ESR1: variants seen among roughly 807,000 people sequenced by gnomAD.
ESR1 encodes the protein estrogen receptor.
A neutral mutation model predicts 52.7 loss-of-function variants in ESR1; 12 were observed. The observed-to-expected ratio is 0.23, with a 90% CI of 0.15 to 0.37. The LOEUF is 0.37. Among genes scored for constraint, ESR1 ranks in the 10% least tolerant of loss-of-function variants. The pLI, the probability that ESR1 is intolerant of heterozygous loss-of-function variation, is 1.00. For missense variants in ESR1, 584 were observed against 779.7 expected (o/e 0.75, Z 2.99); for synonymous variants, 305 against 316.8 (o/e 0.96, Z 0.39).
In ESR1 at chr6:151,700,668, CTTTTTTTTTTTTT is replaced by C. The variant is rs34905961; in HGVS notation, c.-201-1197_-201-1185del. On this transcript the variant is annotated intron_variant, in intron 1 of 2. Coordinates refer to the ESR1 transcript ENST00000404742. ...CTCCCTAATACAATGTTAAACTTTC[CTTTTTTTTTTTTT>C]TTTTTTTTTGAGAAAAAAATTGTAA... Among the ~76,000 whole-genome samples the C allele has an allele frequency of 2.7e-4, 32 of 117,206 alleles. No homozygotes were observed. In the South Asian group the frequency reaches 7.6e-3, roughly 28 times the overall value. The allele number at this position is 117,206 out of a possible 152,430, so 76.9% of individuals were successfully genotyped here.
chr6:151,935,002 G>A (rs1210690632), intron 3 of ESR1, among the ~76,000 whole-genome samples: 1 of 152,222 alleles, frequency 6.6e-6, no homozygotes, highest in Non-Finnish European at 1.5e-5. Context: ...TTCTAAGGCA[G>A]TTATGCCATG....
chr6:151,679,419 G>T (rs948387628), intron 1 of ESR1, among the ~76,000 whole-genome samples: 1 of 152,016 alleles, frequency 6.6e-6, no homozygotes, highest in African/African-American at 2.4e-5. Flanking sequence ...GCGCAATCTC[G>T]GCTCACCGCA....
At chr6:151,669,097 C>G (rs2115238385) in intron 1 of ESR1, among the ~76,000 whole-genome samples, 1 of 136,126 alleles carries the variant, frequency 7.3e-6, no homozygotes, top group East Asian at 2.4e-4. Flanking sequence ...TTGGCCAGAG[C>G]CGTGCTTCGG....
At chr6:151,728,388 G>GA (rs1210089682) in intron 2 of ESR1, among the ~76,000 whole-genome samples, 1 of 152,146 alleles carries the variant, frequency 6.6e-6, no homozygotes, top group Non-Finnish European at 1.5e-5. Context: ...ACTGAACATT[G>GA]AAAAATGTTT....
At chr6:152,028,639 T>G (rs1161051390) in intron 5 of ESR1, among the ~76,000 whole-genome samples, 2 of 152,112 alleles carry the variant, frequency 1.3e-5, no homozygotes, top group East Asian at 3.9e-4. Flanking sequence ...GTAAACAAAG[T>G]GGCTGGGAAG....
At chr6:151,992,326 C>T (rs2128718039) in intron 4 of ESR1, among the ~76,000 whole-genome samples, 1 of 152,274 alleles carries the variant, frequency 6.6e-6, no homozygotes, top group Admixed American at 6.5e-5. Context: ...CCATTTCCTC[C>T]TGCCCTCAGC....
At chr6:151,956,802 G>A (rs3020392) in intron 4 of ESR1, among the ~76,000 whole-genome samples, 137,124 of 142,682 alleles carry the variant, frequency 0.96, 65,945 homozygotes, top group Middle Eastern at 0.99. Flanking sequence ...ACATATATAT[G>A]TAAATATAAA....
In ESR1 at chr6:151,808,085, C is replaced by G. The variant is rs1243016506; in HGVS notation, c.173C>G (p.Ala58Gly). 6.2e-7 allele frequency: 1 copy of G among 1,612,780 alleles called. No homozygotes were observed. Among genetic ancestry groups the G allele is most frequent in the Non-Finnish European group, 8.5e-7 (1 of 1,179,760 alleles). The part of the protein sequence containing the change: ...KPAVYNYPEG[A>G]AYEFNAAAAA... ...GCCGTGTACAACTACCCCGAGGGCG[C>G]CGCCTACGAGTTCAACGCCGCGGCC... The change falls in exon 1 of 8, where the codon GCC becomes GGC. Residue 58 changes from alanine to glycine, a missense_variant. Physicochemically the swap from Ala to Gly is moderately conservative, Grantham distance 60 (BLOSUM62 0). Coordinates refer to ENST00000206249, the MANE Select transcript of ESR1 (RefSeq NM_000125.4).
At position 151,797,812 on chromosome 6, in the gene ESR1, G is replaced by A. The variant is rs138258182; in HGVS notation, c.-70-10031G>A. On this transcript the variant is annotated intron_variant, in intron 2 of 2. Transcript: ENST00000404742. ...CTTGAGAAAGAAAGGAGCAGAATAT[G>A]CTTTGCATGGCGCTATGTCCTCCCA... Among the ~76,000 whole-genome samples the A allele has an allele frequency of 5.1e-3, 780 of 152,316 alleles. 4 individuals are homozygous for A. The highest frequency in any genetic ancestry group is 0.016 in the African/African-American group (677 of 41,558).
At chr6:151,761,854 G>A (rs569682610) in intron 2 of ESR1, among the ~76,000 whole-genome samples, 16 of 152,134 alleles carry the variant, frequency 1.1e-4, no homozygotes, top group South Asian at 4.1e-4. Context: ...ACTGAAGGCC[G>A]GGCCCCACCC....
At chr6:151,776,123 G>A (rs145817662) in intron 2 of ESR1, among the ~76,000 whole-genome samples, 86 of 152,282 alleles carry the variant, frequency 5.6e-4, no homozygotes, top group African/African-American at 2.0e-3. Flanking sequence ...AAGCAAGTTC[G>A]AGGAAAGAGG....
In ESR1 at chr6:151,944,344, C is replaced by T. The variant is rs766779326; in HGVS notation, c.932C>T (p.Thr311Met). ...AAGAACAGCCTGGCCTTGTCCCTGA[C>T]GGCCGACCAGATGGTCAGTGCCTTG... ...SKKNSLALSL[T>M]ADQMVSALLD... The change falls in exon 4 of 8, where the codon ACG (threonine) becomes ATG (methionine). Residue 311 changes from threonine to methionine, a missense_variant. Physicochemically the swap from Thr to Met is moderately conservative, Grantham distance 81. Coordinates refer to ENST00000206249, the MANE Select transcript of ESR1 (RefSeq NM_000125.4). 1.9e-6 allele frequency: 3 copies of T among 1,614,028 alleles called. No homozygotes were observed. Among genetic ancestry groups the T allele is most frequent in the Non-Finnish European group, 2.5e-6 (3 of 1,180,032 alleles).
intron 2 of ESR1, among the ~76,000 whole-genome samples, chr6:151,849,568 C>T (rs904806292): frequency 1.2e-4 from 18 of 151,468 alleles, no homozygotes; most frequent in Admixed American, 9.9e-4. Flanking sequence ...TGCTTGAACT[C>T]GGGAGGTGGA....
At chr6:151,854,314 A>G (rs1562480078) in intron 2 of ESR1, among the ~76,000 whole-genome samples, 1 of 152,280 alleles carries the variant, frequency 6.6e-6, no homozygotes, top group Admixed American at 6.5e-5. Flanking sequence ...TTTTCCACTT[A>G]CGTGTGGGTT....
chr6:151,867,535 C>T (rs1790158223), intron 2 of ESR1, among the ~76,000 whole-genome samples: 1 of 152,038 alleles, frequency 6.6e-6, no homozygotes, highest in Non-Finnish European at 1.5e-5. Context: ...ATGCTGCCAA[C>T]AAGCATATGA....
At chr6:151,893,060 G>A (rs1193857206) in intron 3 of ESR1, among the ~76,000 whole-genome samples, 3 of 152,144 alleles carry the variant, frequency 2.0e-5, no homozygotes, top group South Asian at 2.1e-4. Context: ...GCATGGTGGC[G>A]GGCGCCTGTA....
chr6:151,738,322 C>T (rs1782823045), intron 2 of ESR1, among the ~76,000 whole-genome samples: 1 of 152,128 alleles, frequency 6.6e-6, no homozygotes, highest in Non-Finnish European at 1.5e-5. Flanking sequence ...CTAGTATGAA[C>T]ATGGATGTGC....
chr6:151,891,680 C>T (rs1326641662), intron 3 of ESR1, among the ~76,000 whole-genome samples: 6 of 152,098 alleles, frequency 3.9e-5, no homozygotes, highest in African/African-American at 1.2e-4. Context: ...CATTGTTATG[C>T]GTCTGCCTGG....
chr6:152,031,765 A>G (rs1200263606), intron 5 of ESR1, among the ~76,000 whole-genome samples: 4 of 152,224 alleles, frequency 2.6e-5, no homozygotes, highest in Non-Finnish European at 5.9e-5. Flanking sequence ...ATAGAAAAAG[A>G]GGGAATCCTC....
Sources: gnomAD v4.1 joint callset for allele counts (sites outside exome capture counted in the v4.1 genomes callset) on GRCh38, gnomAD v4.1.1 for gene constraint, MANE v1.5 for transcripts, NCBI Gene and HGNC (gene_info 2026-07-23, HGNC 2026-07-21) for gene names.